Variants in ZSCAN25 observed in about 807,000 individuals in gnomAD.
ZSCAN25 encodes zinc finger and SCAN domain containing 25.
Under a neutral mutation model 38.7 loss-of-function variants are expected in ZSCAN25, and 27 were observed. The ratio of observed to expected loss-of-function variants is 0.70; its 90% CI spans 0.51 to 0.96. The LOEUF is 0.96. Among genes scored for constraint, ZSCAN25 ranks in the 40% least tolerant of loss-of-function variants. The probability of loss-of-function intolerance (pLI) is 0.00; values close to 1 mark genes in which losing one functional copy is unlikely to be tolerated. For missense variants in ZSCAN25, 637 were observed against 705.9 expected (o/e 0.90, Z 1.11); for synonymous variants, 273 against 277.7 (o/e 0.98, Z 0.17).
chr7:99,699,306 G>T, the ZSCAN25 span, among the ~76,000 whole-genome samples: 1 of 152,176 alleles, frequency 6.6e-6, no homozygotes, highest in African/African-American at 2.4e-5. Context: ...TCATTGCAAG[G>T]TAAATAGTTC....
chr7:99,691,382 A>G, the ZSCAN25 span, among the ~76,000 whole-genome samples: 7 of 152,344 alleles, frequency 4.6e-5, no homozygotes, highest in South Asian at 1.5e-3. Flanking sequence ...AACATGGCAC[A>G]TGTATACATA....
chr7:99,619,128 G>A lies in ZSCAN25; in HGVS notation c.-51G>A, dbSNP rs921472586. ...CTGCTGTACCAGCATATGAGTTTCA[G>A]GAGGGTAAGCTCCCAGTGTGTCTTG... is the stretch of plus-strand genomic sequence containing the variant. On this transcript the variant is annotated 5_prime_UTR_variant, in exon 3 of 8. Coordinates refer to ENST00000394152, the MANE Select transcript of ZSCAN25 (RefSeq NM_145115.3). 1.3e-4 allele frequency: 20 copies of A among 153,572 alleles called. No homozygotes were observed. Among genetic ancestry groups the A allele is most frequent in the African/African-American group, 4.6e-4 (19 of 41,604 alleles). 9.5% of individuals were successfully genotyped at this position (153,572 alleles called of 1,614,324 possible). A position where few individuals can be genotyped will look rare whatever the true frequency, so the allele number is the denominator to read the frequency against.
chr7:99,660,092 T>G, the ZSCAN25 span: 2 of 536,160 alleles, frequency 3.7e-6, no homozygotes, highest in Admixed American at 1.2e-4. Context: ...TCTCCAACAA[T>G]CCCCATTGAG....
chr7:99,621,482 C>A lies in ZSCAN25; in HGVS notation c.497C>A (p.Pro166His). ...PVEVKPEWGM[P>H]PGEGVQGPDP... The stretch of plus-strand genomic sequence containing the variant: ...GAGGTCAAGCCTGAATGGGGGATGC[C>A]CCCTGGGGAAGGAGTTCAAGGTCCA... Residue 166 changes from proline (P) to histidine (H), a missense_variant, in exon 5 of 8, where the codon CCC becomes CAC. By Grantham distance (77) the Pro-to-His change is moderately conservative. Transcript: ENST00000394152. The A allele has an allele frequency of 6.3e-7, 1 of 1,579,826 alleles. No homozygotes were observed.
chr7:99,737,227 C>G, the ZSCAN25 span, among the ~76,000 whole-genome samples: 23 of 152,082 alleles, frequency 1.5e-4, no homozygotes, highest in South Asian at 2.1e-4. Context: ...ATACTGATCA[C>G]AATAAAATAT....
At chr7:99,660,214 CTTTTTTTTTTTTT>C in the ZSCAN25 span, 531 of 429,922 alleles carry the variant, frequency 1.2e-3, 2 homozygotes, top group African/African-American at 1.7e-3. Flanking sequence ...CGCCACACTC[CTTTTTTTTTTTTT>C]TTTTTTTTTT....
At chr7:99,624,466 G>C in intron 7 of ZSCAN25, 1 of 406,252 alleles carries the variant, frequency 2.5e-6, no homozygotes, top group Non-Finnish European at 4.6e-6. Flanking sequence ...AAGACACTGA[G>C]GGCTTGAGAA....
chr7:99,685,020 T>G, the ZSCAN25 span: 3 of 709,726 alleles, frequency 4.2e-6, no homozygotes, highest in Non-Finnish European at 7.2e-6. Context: ...TGGTTATTTA[T>G]GCAGTACAGT....
the ZSCAN25 span, among the ~76,000 whole-genome samples, chr7:99,655,343 C>T: frequency 6.6e-6 from 1 of 152,186 alleles, no homozygotes; most frequent in African/African-American, 2.4e-5. Flanking sequence ...GGAATCCTTT[C>T]CCCACTGCTT....
chr7:99,718,800 G>A, the ZSCAN25 span, among the ~76,000 whole-genome samples: 3 of 152,194 alleles, frequency 2.0e-5, no homozygotes, highest in African/African-American at 7.2e-5. Context: ...AAGTCAGCTC[G>A]GCAAGGTTCT....
the ZSCAN25 span, chr7:99,717,360 T>A: frequency 6.2e-7 from 1 of 1,605,990 alleles, no homozygotes; most frequent in Non-Finnish European, 8.5e-7. Context: ...TAAGTGACAT[T>A]GTATAATGAA....
At chr7:99,626,940 G>A (rs1238090582) in intron 7 of ZSCAN25, among the ~76,000 whole-genome samples, 1 of 152,190 alleles carries the variant, frequency 6.6e-6, no homozygotes, top group Non-Finnish European at 1.5e-5. Flanking sequence ...TTCCACTACT[G>A]TGTCTTTCTC....
the ZSCAN25 span, among the ~76,000 whole-genome samples, chr7:99,686,527 C>A: frequency 4.6e-5 from 7 of 152,190 alleles, no homozygotes; most frequent in South Asian, 2.1e-4. Context: ...CTGGGTGGAG[C>A]CCACCACGGC....
the ZSCAN25 span, among the ~76,000 whole-genome samples, chr7:99,716,102 G>A: frequency 7.2e-5 from 11 of 152,270 alleles, no homozygotes; most frequent in East Asian, 1.9e-4. Context: ...CTGGCTCTCC[G>A]CTGGGGGTGA....
At chr7:99,649,879 CT>C in the ZSCAN25 span, among the ~76,000 whole-genome samples, 4,466 of 152,270 alleles carry the variant, frequency 0.029, 210 homozygotes, top group African/African-American at 0.1. Flanking sequence ...TCTGTGTGGA[CT>C]TTACATGATG....
In ZSCAN25 at chr7:99,624,171, G is replaced by T; in HGVS notation, c.796G>T (p.Val266Phe). Residue 266 changes from valine (V) to phenylalanine (F), a missense_variant, in exon 7 of 8, where the codon GTC becomes TTC. Physicochemically the swap from Val to Phe is conservative, Grantham distance 50 (BLOSUM62 -1). Coordinates refer to ENST00000394152, the MANE Select transcript of ZSCAN25 (RefSeq NM_145115.3). ...GEYVEPQDCRVSPGGGSKEKE... is the reference protein window; with the variant it reads ...GEYVEPQDCRFSPGGGSKEKE... ...GTATGTGGAACCGCAGGACTGCAGG[G>T]TCTCTCCAGGTAAGACTGTCTCCAC... 6.2e-7 allele frequency: 1 copy of T among 1,613,642 alleles called. No homozygotes were observed. The highest frequency in any genetic ancestry group is 8.5e-7 in the Non-Finnish European group (1 of 1,179,902).
At position 99,616,974 on chromosome 7, in the gene ZSCAN25, C is replaced by G. The variant is rs1472731026; in HGVS notation, c.-301C>G. On this transcript the variant is annotated 5_prime_UTR_variant, in exon 1 of 8. Coordinates refer to ENST00000394152, the MANE Select transcript of ZSCAN25 (RefSeq NM_145115.3). Reference sequence around the variant, plus strand: ...GCTCACTTCCGGACCGCGGATAGCACTGGCGACCCTAGCGGGTGAGAGGCC... The same window carrying G: ...GCTCACTTCCGGACCGCGGATAGCAGTGGCGACCCTAGCGGGTGAGAGGCC... 3.3e-5 allele frequency: 5 copies of G among 152,268 alleles called. No individual in the cohort carries two copies. Among genetic ancestry groups the G allele is most frequent in the African/African-American group, 1.2e-4 (5 of 41,466 alleles). 9.4% of individuals were successfully genotyped at this position (152,268 alleles called of 1,614,324 possible).
At chr7:99,726,219 A>C in the ZSCAN25 span, among the ~76,000 whole-genome samples, 4 of 152,134 alleles carry the variant, frequency 2.6e-5, no homozygotes, top group South Asian at 8.3e-4. Flanking sequence ...TTACTATCCC[A>C]TTAAAGCCTA....
At chr7:99,715,953 A>G in the ZSCAN25 span, 126 of 1,612,190 alleles carry the variant, frequency 7.8e-5, no homozygotes, top group Non-Finnish European at 1.1e-4. Flanking sequence ...CCTCTTTACC[A>G]TCCTTCCTCT....
Sources: allele counts gnomAD v4.1 joint callset (sites outside exome capture counted in the v4.1 genomes callset), GRCh38; gene constraint gnomAD v4.1.1; transcripts MANE v1.5; gene names NCBI Gene and HGNC (gene_info 2026-07-23, HGNC 2026-07-21).